The following MAP2K3 variants were observed in gnomAD, a reference collection of about 807,000 sequenced individuals.
MAP2K3 encodes the protein dual specificity mitogen-activated protein kinase kinase 3.
In MAP2K3, 30 loss-of-function variants were observed where a neutral mutation model predicts 46.4. The ratio of observed to expected loss-of-function variants is 0.65; its 90% CI spans 0.48 to 0.88. The LOEUF (loss-of-function observed/expected upper bound fraction) is 0.88. MAP2K3 is among the 40% of genes least tolerant of loss of function. MAP2K3 has a pLI of 0.00. For synonymous variants in MAP2K3, 189 were observed against 176.3 expected (o/e 1.07, Z -0.57); for missense variants, 380 against 464.5 (o/e 0.82, Z 1.67).
intron 8 of MAP2K3, 79 bp from the exon 9 acceptor site, chr17:21,304,972 T>A (rs1976814610): frequency 6.5e-7 from 1 of 1,527,420 alleles, no homozygotes; most frequent in Non-Finnish European, 9.1e-7. Flanking sequence ...GAGCGCTCAG[T>A]TTGGGGATTG....
chr17:21,301,022 TC>T, intron 5 of MAP2K3, 29 bp downstream of exon 5: 1 of 1,613,840 alleles, frequency 6.2e-7, no homozygotes, highest in Middle Eastern at 1.6e-4. Context: ...CAGCTGGGGA[TC>T]TCCACCTCCC....
intron 1 of MAP2K3, chr17:21,295,889 G>C: frequency 7.8e-7 from 1 of 1,279,068 alleles, no homozygotes; most frequent in Non-Finnish European, 1.0e-6. Flanking sequence ...AGTGCAGGGA[G>C]GGTGTGGCGT....
chr17:21,287,268 C>T (rs939498445), intron 1 of MAP2K3, among the ~76,000 whole-genome samples: 2 of 152,258 alleles, frequency 1.3e-5, no homozygotes, highest in African/African-American at 2.4e-5. Context: ...CTGTGCACAG[C>T]GCTTTACACT....
chr17:21,286,415 T>C (rs557120896), intron 1 of MAP2K3, among the ~76,000 whole-genome samples: 1 of 152,326 alleles, frequency 6.6e-6, no homozygotes, highest in South Asian at 2.1e-4. Flanking sequence ...GGGCATGGGC[T>C]CTTCCTGGCC....
chr17:21,298,160 T>G (rs971733139), intron 1 of MAP2K3, among the ~76,000 whole-genome samples: 2 of 152,308 alleles, frequency 1.3e-5, no homozygotes, highest in African/African-American at 4.8e-5. Flanking sequence ...ATGTGCCCAG[T>G]GGGCAGGGCT....
chr17:21,308,423 C>G (rs1182093302), intron 9 of MAP2K3, among the ~76,000 whole-genome samples: 1 of 152,312 alleles, frequency 6.6e-6, no homozygotes, highest in Admixed American at 6.5e-5. Context: ...GTTGGGATTA[C>G]AGGCGTGAAC....
intron 1 of MAP2K3, chr17:21,291,362 A>T: frequency 2.4e-6 from 1 of 424,652 alleles, no homozygotes; most frequent in South Asian, 1.7e-5. Flanking sequence ...ACAACACAAC[A>T]CAACACAACA....
chr17:21,312,622 A>G (rs991465288), intron 10 of MAP2K3, among the ~76,000 whole-genome samples: 1 of 152,230 alleles, frequency 6.6e-6, no homozygotes, highest in Non-Finnish European at 1.5e-5. Context: ...CCTTATAAAA[A>G]TCATGTTTGA....
chr17:21,298,530 C>T, intron 2 of MAP2K3, 51 bp downstream of exon 2: 3 of 1,614,074 alleles, frequency 1.9e-6, no homozygotes, highest in Non-Finnish European at 2.5e-6. Context: ...GCTTCCCGAA[C>T]AGGGCTCAAT....
In MAP2K3 at chr17:21,314,242, C is replaced by T. The variant is rs2363196; in HGVS notation, c.*12C>T. On this transcript the variant is annotated 3_prime_UTR_variant, in exon 12 of 12. Transcript: ENST00000342679. ...GAGAAGACTCATAGGGGCTGGGCCT[C>T]GGACCCCACTCCGGCCCTCCAGAGC... 107 of 1,611,126 alleles carry T rather than the reference C, an allele frequency of 6.6e-5. 2 individuals are homozygous for T. The highest frequency in any genetic ancestry group is 6.3e-4 in the South Asian group (57 of 91,034).
At chr17:21,290,318 A>G (rs1975852217) in intron 1 of MAP2K3, among the ~76,000 whole-genome samples, 1 of 152,174 alleles carries the variant, frequency 6.6e-6, no homozygotes, top group Non-Finnish European at 1.5e-5. Context: ...ATGGGGATGG[A>G]GACAGCTCCC....
chr17:21,311,195 T>G (rs1977141563), intron 9 of MAP2K3, among the ~76,000 whole-genome samples: 1 of 152,174 alleles, frequency 6.6e-6, no homozygotes, highest in Non-Finnish European at 1.5e-5. Context: ...GCCAAGTGTT[T>G]GTGCTGAGGT....
intron 1 of MAP2K3, chr17:21,291,710 T>A (rs113493220): frequency 2.5e-6 from 1 of 402,326 alleles, no homozygotes; most frequent in Non-Finnish European, 5.0e-6. Context: ...GGGGATTTTG[T>A]GTGCATGGAC....
chr17:21,299,066 C>A, intron 3 of MAP2K3, 140 bp downstream of exon 3: 1 of 1,275,424 alleles, frequency 7.8e-7, no homozygotes, highest in Non-Finnish European at 1.1e-6. Context: ...TCGTCCTGCG[C>A]TGCTGGCTGT....
chr17:21,297,795 C>T (rs1976344567), intron 1 of MAP2K3, among the ~76,000 whole-genome samples: 1 of 152,310 alleles, frequency 6.6e-6, no homozygotes, highest in Non-Finnish European at 1.5e-5. Flanking sequence ...CTGCCTGGTG[C>T]AGGGGAGGGG....
intron 6 of MAP2K3, 28 bp downstream of exon 6, chr17:21,302,287 G>T (rs1393813594): frequency 3.8e-6 from 6 of 1,568,802 alleles, no homozygotes; most frequent in Admixed American, 3.3e-5. Flanking sequence ...GCTGGCGGGG[G>T]GTCCTAGGTG....
chr17:21,314,062 C>T, intron 11 of MAP2K3, 85 bp from the exon 12 acceptor site: 4 of 1,066,998 alleles, frequency 3.7e-6, no homozygotes, highest in East Asian at 2.4e-5. Flanking sequence ...CAGGAGAACA[C>T]TTGGGCTGGA....
In MAP2K3 at chr17:21,291,021, T is replaced by C. The variant is rs993828771; in HGVS notation, c.49+6052T>C. On this transcript the variant is annotated intron_variant, in intron 1 of 11. Coordinates refer to ENST00000342679, the MANE Select transcript of MAP2K3 (RefSeq NM_145109.3). ...ACTTTGGGAGGCCGAGGCGGGTGGA[T>C]CATGAGGTCAGGAGCTCGAGACCAT... 2.6e-5 allele frequency among the ~76,000 whole-genome samples: 4 copies of C among 152,422 alleles called. No individual in the cohort carries two copies. The South Asian group carries it at 8.3e-4, about 32-fold the overall frequency.
chr17:21,304,306 G>GC, intron 7 of MAP2K3, 120 bp from the exon 8 acceptor site: 1 of 1,559,048 alleles, frequency 6.4e-7, no homozygotes, highest in South Asian at 1.2e-5. Flanking sequence ...GCCCACTGGG[G>GC]CATGGGAGGG....
Sources: gnomAD v4.1 joint callset for allele counts (sites outside exome capture counted in the v4.1 genomes callset) on GRCh38, gnomAD v4.1.1 for gene constraint, MANE v1.5 for transcripts, NCBI Gene and HGNC (gene_info 2026-07-23, HGNC 2026-07-21) for gene names.